Variants in ARHGEF17 observed in about 807,000 individuals in gnomAD.
The protein encoded by ARHGEF17 is 164 kDa Rho-specific guanine-nucleotide exchange factor.
ARHGEF17 carries 80 observed loss-of-function variants against 174.0 expected under a neutral mutation model. The observed-to-expected ratio is 0.46, with a 90% CI of 0.38 to 0.55. ARHGEF17 has a LOEUF of 0.55. Among genes scored for constraint, ARHGEF17 ranks in the 20% least tolerant of loss-of-function variants. The pLI is 0.00. For synonymous variants in ARHGEF17, 1,311 were observed against 1,189.1 expected (o/e 1.10, Z -2.11); for missense variants, 2,886 against 2,839.7 (o/e 1.02, Z -0.37).
chr11:73,308,536 C>G lies in ARHGEF17; in HGVS notation c.-103C>G. The G allele has an allele frequency of 1.9e-6, 2 of 1,042,232 alleles. No homozygotes were observed. The highest frequency in any genetic ancestry group is 2.6e-6 in the Non-Finnish European group (2 of 779,620). The allele number at this position is 1,042,232 out of a possible 1,614,324, so 64.6% of individuals were successfully genotyped here. A position where few individuals can be genotyped will look rare whatever the true frequency, so the allele number is the denominator to read the frequency against. The stretch of plus-strand genomic sequence containing the variant: ...TGCGTCCTCTTCCCACACTCCCGTG[C>G]GCTGCTTTCGGCGTGGGCCGCTGCG... On this transcript the variant is annotated 5_prime_UTR_variant, in exon 1 of 21. Coordinates refer to ENST00000263674, the MANE Select transcript of ARHGEF17 (RefSeq NM_014786.4).
chr11:73,367,375 G>A (rs1271281956), intron 20 of ARHGEF17, among the ~76,000 whole-genome samples: 1 of 152,222 alleles, frequency 6.6e-6, no homozygotes, highest in Non-Finnish European at 1.5e-5. Flanking sequence ...CTCCTGACTA[G>A]AGATTACAGA....
chr11:73,332,556 C>T (rs1488678188), intron 1 of ARHGEF17, among the ~76,000 whole-genome samples: 3 of 152,082 alleles, frequency 2.0e-5, no homozygotes, highest in Non-Finnish European at 2.9e-5. Context: ...TTGAGGTTGT[C>T]GCCAGTTTTC....
Position 73,359,933 on chromosome 11 carries a change from G to GCCT in ARHGEF17, c.4188_4190dup (p.Leu1397dup). ...GGCCAAATGAGCAAGCTCTCTGAGA[G>GCCT]CCTTGGTTTCCCCCACCAGGTCTGT... On this transcript the variant is annotated inframe_insertion, in exon 10 of 21. Transcript: ENST00000263674. The GCCT allele has an allele frequency of 6.2e-7, 1 of 1,611,224 alleles. No homozygotes were observed. The highest frequency in any genetic ancestry group is 8.5e-7 in the Non-Finnish European group (1 of 1,178,752).
At position 73,356,235 on chromosome 11, in the gene ARHGEF17, C is replaced by G. The variant is rs774190875; in HGVS notation, c.3724C>G (p.Arg1242Gly). ...PDHPLLLEAQ[R>G]NIKQVAERIN... ...CCATCCACTCCTGCTGGAGGCGCAG[C>G]GGAACATCAAGCAGGTGGCTGAGCG... Residue 1242 changes from arginine to glycine, a missense_variant, in exon 6 of 21, where the codon CGG becomes GGG. Arg to Gly is a moderately radical substitution (Grantham distance 125, BLOSUM62 -2). Around this residue, in one of 4 missense-constraint regions of ARHGEF17, gnomAD observed 353 missense variants for 470.3 expected, o/e 0.75. Transcript: ENST00000263674. 1 of 1,613,788 alleles carries G rather than the reference C, an allele frequency of 6.2e-7. No individual in the cohort carries two copies. The highest frequency in any genetic ancestry group is 8.5e-7 in the Non-Finnish European group (1 of 1,180,022).
intron 1 of ARHGEF17, among the ~76,000 whole-genome samples, chr11:73,313,748 G>A (rs1864882227): frequency 6.6e-6 from 1 of 152,222 alleles, no homozygotes; most frequent in South Asian, 2.1e-4. Context: ...AGCAGGGTGT[G>A]AGCCTTGCTC....
At chr11:73,354,252 C>T (rs1450363778) in intron 3 of ARHGEF17, among the ~76,000 whole-genome samples, 2 of 152,196 alleles carry the variant, frequency 1.3e-5, no homozygotes, top group Admixed American at 6.5e-5. Flanking sequence ...AGCCCCCTGC[C>T]TGGACCTTGA....
intron 2 of ARHGEF17, 121 bp downstream of exon 2, chr11:73,347,081 A>G (rs1479261494): frequency 3.1e-6 from 3 of 977,812 alleles, no homozygotes; most frequent in Non-Finnish European, 4.8e-6. Flanking sequence ...TGTCCCTGGC[A>G]TCCGTCGCCT....
At chr11:73,366,698 T>G (rs1471894417) in intron 20 of ARHGEF17, among the ~76,000 whole-genome samples, 1 of 151,994 alleles carries the variant, frequency 6.6e-6, no homozygotes, top group Non-Finnish European at 1.5e-5. Context: ...ATTGCACCAC[T>G]GCACCCCAGC....
At chr11:73,361,933 CCCAT>C (rs1312256164) in intron 12 of ARHGEF17, 103 bp from the exon 13 acceptor site, 11 of 1,297,036 alleles carry the variant, frequency 8.5e-6, no homozygotes, top group Non-Finnish European at 1.2e-5. Flanking sequence ...CACACACACA[CCCAT>C]GCAGGCCTGC....
chr11:73,348,217 C>T (rs1335483421), intron 2 of ARHGEF17, among the ~76,000 whole-genome samples: 1 of 152,112 alleles, frequency 6.6e-6, no homozygotes, highest in Admixed American at 6.5e-5. Context: ...ACTCACTCAC[C>T]ATTCATTCAT....
intron 14 of ARHGEF17, 122 bp from the exon 15 acceptor site, chr11:73,363,084 G>T: frequency 7.4e-7 from 1 of 1,344,154 alleles, no homozygotes; most frequent in Non-Finnish European, 9.9e-7. Flanking sequence ...AGCAGGCCGG[G>T]GAAGAACAGC....
chr11:73,366,076 C>G (rs1240369192), intron 20 of ARHGEF17, 129 bp downstream of exon 20: 64 of 1,224,896 alleles, frequency 5.2e-5, no homozygotes, highest in Non-Finnish European at 6.5e-5. Flanking sequence ...GCATATGTGA[C>G]AGGAAATACA....
intron 1 of ARHGEF17, among the ~76,000 whole-genome samples, chr11:73,335,366 T>C (rs1865269444): frequency 6.6e-6 from 1 of 152,136 alleles, no homozygotes; most frequent in Non-Finnish European, 1.5e-5. Flanking sequence ...ATTCAAAGCT[T>C]CTGAGCTCCT....
chr11:73,308,536 C>A lies in ARHGEF17; in HGVS notation c.-103C>A. 2 of 1,042,230 alleles carry A rather than the reference C, an allele frequency of 1.9e-6. No homozygotes were observed. The highest frequency in any genetic ancestry group is 2.6e-6 in the Non-Finnish European group (2 of 779,618). 64.6% of individuals were successfully genotyped at this position (1,042,230 alleles called of 1,614,324 possible). On this transcript the variant is annotated 5_prime_UTR_variant, in exon 1 of 21. Coordinates refer to ENST00000263674, the MANE Select transcript of ARHGEF17 (RefSeq NM_014786.4). ...TGCGTCCTCTTCCCACACTCCCGTGCGCTGCTTTCGGCGTGGGCCGCTGCG... is the reference window on the plus strand; with the variant it reads ...TGCGTCCTCTTCCCACACTCCCGTGAGCTGCTTTCGGCGTGGGCCGCTGCG...
At chr11:73,345,162 T>G (rs970115509) in intron 1 of ARHGEF17, among the ~76,000 whole-genome samples, 1 of 152,178 alleles carries the variant, frequency 6.6e-6, no homozygotes, top group Non-Finnish European at 1.5e-5. Flanking sequence ...CACTGCCTCC[T>G]TCTGGAAGCT....
chr11:73,313,687 C>G (rs1369460507), intron 1 of ARHGEF17, among the ~76,000 whole-genome samples: 1 of 152,248 alleles, frequency 6.6e-6, no homozygotes, highest in African/African-American at 2.4e-5. Flanking sequence ...TTTCCAGGCC[C>G]AGCTTGATGT....
rs747116139 is a variant in ARHGEF17 at position 73,309,542 on chromosome 11, T to A, written c.904T>A (p.Leu302Met). ...CGGGCTCAGGCCTGGAAGCTCCCTA[T>A]TGGATCAGGACTGCAGGCCTGACAG... ...RPGLRPGSSL[L>M]DQDCRPDSDG... is the part of the protein sequence containing the mutation. The change falls in exon 1 of 21, where the codon TTG becomes ATG. Residue 302 changes from leucine to methionine, a missense_variant. Leu to Met is a conservative substitution (Grantham distance 15). Coordinates refer to ENST00000263674, the MANE Select transcript of ARHGEF17 (RefSeq NM_014786.4). The A allele has an allele frequency of 3.8e-6, 6 of 1,590,812 alleles. No homozygotes were observed. In the African/African-American group the frequency reaches 6.8e-5, roughly 18 times the overall value.
At chr11:73,347,095 C>A in intron 2 of ARHGEF17, 135 bp downstream of exon 2, 1 of 862,378 alleles carries the variant, frequency 1.2e-6, no homozygotes, top group East Asian at 2.7e-5. Flanking sequence ...GTCGCCTTTC[C>A]ATGAAGAACC....
At chr11:73,329,325 A>G (rs534455843) in intron 1 of ARHGEF17, among the ~76,000 whole-genome samples, 721 of 2,942 alleles carry the variant, frequency 0.25, 26 homozygotes, top group African/African-American at 0.4. Flanking sequence ...GAGCTTTCAT[A>G]TATATATATA....
Sources: allele counts gnomAD v4.1 joint callset (sites outside exome capture counted in the v4.1 genomes callset), GRCh38; gene constraint gnomAD v4.1.1; regional missense constraint gnomAD v4.1.1; transcripts MANE v1.5; gene names NCBI Gene and HGNC (gene_info 2026-07-23, HGNC 2026-07-21).